Variants in RAB28 observed in about 807,000 individuals in gnomAD.
RAB28 encodes the protein ras-related protein Rab-28.
RAB28 carries 24 observed loss-of-function variants against 31.7 expected under a neutral mutation model. The observed-to-expected ratio is 0.76, with a 90% CI of 0.55 to 1.06. The LOEUF (loss-of-function observed/expected upper bound fraction) is 1.06, where lower values mean the gene tolerates loss of function less well. Among genes scored for constraint, RAB28 ranks in the 50% least tolerant of loss-of-function variants. The pLI, the probability that RAB28 is intolerant of heterozygous loss-of-function variation, is 0.00. For missense variants in RAB28, 254 were observed against 258.5 expected (o/e 0.98, Z 0.12); for synonymous variants, 100 against 90.4 (o/e 1.11, Z -0.60).
intron 6 of RAB28, chr4:13,370,655 T>G (rs978701316): frequency 3.1e-5 from 31 of 984,842 alleles, no homozygotes; most frequent in Non-Finnish European, 3.6e-5. Context: ...TTTAATACTA[T>G]TTATTACTTG....
chr4:13,462,427 A>G (rs925520182), intron 3 of RAB28, among the ~76,000 whole-genome samples: 1 of 152,174 alleles, frequency 6.6e-6, no homozygotes, highest in Non-Finnish European at 1.5e-5. Flanking sequence ...TAGGCATATA[A>G]TACCTTTGTT....
chr4:13,454,408 G>A (rs1008111441), intron 4 of RAB28, among the ~76,000 whole-genome samples: 1 of 151,992 alleles, frequency 6.6e-6, no homozygotes, highest in African/African-American at 2.4e-5. Flanking sequence ...GCTTTTTCAT[G>A]TTTGATGTGT....
Position 13,484,237 on chromosome 4 carries a change from GGTAGTTGC to G in RAB28, c.-95_-88del. 9.2e-7 allele frequency: 1 copy of G among 1,088,906 alleles called. No homozygotes were observed. The highest frequency in any genetic ancestry group is 1.4e-6 in the Non-Finnish European group (1 of 729,742). The allele number at this position is 1,088,906 out of a possible 1,614,324, so 67.5% of individuals were successfully genotyped here. ...GGGGGCGGGGGAGAGGAGGAAGGGA[GGTAGTTGC>G]GGCAGGACCCCCGCCCCGGTGTCTC... On this transcript the variant is annotated 5_prime_UTR_variant, in exon 1 of 7. Coordinates refer to ENST00000330852, the MANE Select transcript of RAB28 (RefSeq NM_001017979.3).
chr4:13,438,620 T>G (rs1344219204), intron 4 of RAB28, among the ~76,000 whole-genome samples: 1 of 152,226 alleles, frequency 6.6e-6, no homozygotes, highest in Non-Finnish European at 1.5e-5. Context: ...TCACTCCTTT[T>G]TTGGCTGAAT....
At chr4:13,421,799 T>C (rs1713165388) in intron 4 of RAB28, among the ~76,000 whole-genome samples, 1 of 152,154 alleles carries the variant, frequency 6.6e-6, no homozygotes, top group African/African-American at 2.4e-5. Context: ...ATAAAACCTC[T>C]AGAAGAAAAC....
At chr4:13,483,970 AGCCCGAGG>A (rs1352967262) in intron 1 of RAB28, 98 bp downstream of exon 1, 1 of 1,107,686 alleles carries the variant, frequency 9.0e-7, no homozygotes. Context: ...CGGGCCTAGA[AGCCCGAGG>A]GCTCGGGGTA....
chr4:13,469,023 T>C (rs1715997658), intron 3 of RAB28, among the ~76,000 whole-genome samples: 1 of 152,058 alleles, frequency 6.6e-6, no homozygotes, highest in African/African-American at 2.4e-5. Flanking sequence ...TCAGGGCCTC[T>C]ACTCACCAGC....
At chr4:13,386,838 A>G (rs1352518643) in intron 4 of RAB28, among the ~76,000 whole-genome samples, 1 of 152,182 alleles carries the variant, frequency 6.6e-6, no homozygotes, top group Non-Finnish European at 1.5e-5. Context: ...AAAGACATGG[A>G]GTCAACCTAA....
At chr4:13,384,787 C>G (rs964146010) in intron 4 of RAB28, among the ~76,000 whole-genome samples, 2 of 152,182 alleles carry the variant, frequency 1.3e-5, no homozygotes, top group Admixed American at 1.3e-4. Context: ...AGAACTCTAA[C>G]AACTCAAAAA....
At chr4:13,437,293 C>T (rs998453058) in intron 4 of RAB28, among the ~76,000 whole-genome samples, 1 of 152,104 alleles carries the variant, frequency 6.6e-6, no homozygotes, top group Non-Finnish European at 1.5e-5. Context: ...CCCTCCTGAA[C>T]ATTGGCATAG....
At chr4:13,389,436 A>G (rs1560272643) in intron 4 of RAB28, among the ~76,000 whole-genome samples, 2 of 152,128 alleles carry the variant, frequency 1.3e-5, no homozygotes, top group Non-Finnish European at 2.9e-5. Context: ...AATGGTTAAG[A>G]TGGTAAATTT....
intron 4 of RAB28, among the ~76,000 whole-genome samples, chr4:13,440,798 C>T (rs2108940777): frequency 6.6e-6 from 1 of 151,852 alleles, no homozygotes; most frequent in East Asian, 1.9e-4. Context: ...AGACCATATG[C>T]ATGGACCCTA....
chr4:13,370,376 T>A (rs1260846157), intron 6 of RAB28: 1 of 916,032 alleles, frequency 1.1e-6, no homozygotes, highest in Admixed American at 6.2e-5. Context: ...TCCATTTCCA[T>A]TAACAAGCTT....
rs1320620178 is a variant in RAB28 at position 13,404,543 on chromosome 4, GAAT to G, written c.392-22952_392-22950del. Among the ~76,000 whole-genome samples, 8 of 151,824 alleles carry G rather than the reference GAAT, an allele frequency of 5.3e-5. No individual in the cohort carries two copies. In the East Asian group the frequency reaches 1.5e-3, roughly 29 times the overall value. ...TTTCACAAATTTTTATAAAAATATA[GAAT>G]AATGATCAGTAAACTATACTGCATA... is the stretch of plus-strand genomic sequence containing the variant. On this transcript the variant is annotated intron_variant, in intron 4 of 6. Coordinates refer to ENST00000330852, the MANE Select transcript of RAB28 (RefSeq NM_001017979.3).
intron 4 of RAB28, among the ~76,000 whole-genome samples, chr4:13,443,163 G>A (rs1714512402): frequency 6.6e-6 from 1 of 151,960 alleles, no homozygotes; most frequent in Non-Finnish European, 1.5e-5. Flanking sequence ...CAACAACTAT[G>A]TGTGTAATAT....
intron 4 of RAB28, among the ~76,000 whole-genome samples, chr4:13,422,322 T>C (rs1281844676): frequency 1.3e-5 from 2 of 152,180 alleles, no homozygotes; most frequent in Non-Finnish European, 2.9e-5. Context: ...AGTTCAACCA[T>C]TGTGGAAGAC....
intron 4 of RAB28, among the ~76,000 whole-genome samples, chr4:13,449,459 T>C (rs1036260052): frequency 5.3e-5 from 8 of 151,890 alleles, no homozygotes; most frequent in Admixed American, 5.2e-4. Flanking sequence ...CAACTTGAAG[T>C]TTACTTATTT....
rs1239024887 is a variant in RAB28, at chr4:13,369,888, AC to A, written c.574-1239del. The A allele has an allele frequency of 4.3e-6, 7 of 1,611,892 alleles. No individual in the cohort carries two copies. The African/African-American group carries it at 8.0e-5, about 18-fold the overall frequency. On this transcript the variant is annotated intron_variant, in intron 6 of 6. Coordinates refer to ENST00000330852, the MANE Select transcript of RAB28 (RefSeq NM_001017979.3). ...CTTAATACCTGCACTACTGTACTGA[AC>A]AGATTCTACTCTGAGTAGAGGTGGT...
chr4:13,479,512 C>A lies in RAB28; in HGVS notation c.90G>T (p.Thr30=). The change falls in exon 2 of 7, where the codon ACG becomes ACT. Residue 30 remains threonine, a synonymous_variant. Coordinates refer to ENST00000330852, the MANE Select transcript of RAB28 (RefSeq NM_001017979.3). ...DGASGKTSLT[T]CFAQETFGKQ... is the part of the protein sequence containing the mutation. ...TCCCAAAAGTTTCTTGAGCAAAACA[C>A]GTAGTTAAGGAGGTCTAAAAAATTG... is the stretch of plus-strand genomic sequence containing the variant. 1.9e-6 allele frequency: 3 copies of A among 1,603,654 alleles called. No homozygotes were observed. The highest frequency in any genetic ancestry group is 2.6e-6 in the Non-Finnish European group (3 of 1,172,586).
Sources: allele counts gnomAD v4.1 joint callset (sites outside exome capture counted in the v4.1 genomes callset), GRCh38; gene constraint gnomAD v4.1.1; transcripts MANE v1.5; gene names NCBI Gene and HGNC (gene_info 2026-07-23, HGNC 2026-07-21).